The following DNAH1 variants were observed in gnomAD, a reference collection of about 807,000 sequenced individuals.
DNAH1 encodes the protein dynein axonemal heavy chain 1.
In DNAH1, 327 loss-of-function variants were observed where a neutral mutation model predicts 484.3. That is an observed-to-expected ratio of 0.68 (90% CI 0.62 to 0.74). The LOEUF (loss-of-function observed/expected upper bound fraction) is 0.74, where lower values mean the gene tolerates loss of function less well. DNAH1 is among the 30% of genes least tolerant of loss of function. The pLI, the probability that DNAH1 is intolerant of heterozygous loss-of-function variation, is 0.00. For missense variants in DNAH1, 5,052 were observed against 5,546.8 expected (o/e 0.91, Z 2.83); for synonymous variants, 2,192 against 2,191.9 (o/e 1.00, Z 0.00).
Position 52,326,741 on chromosome 3 carries a change from A to G in DNAH1, c.588A>G (p.Lys196=), listed in dbSNP as rs1279823694. The G allele has an allele frequency of 1.2e-6, 2 of 1,609,702 alleles. No individual in the cohort carries two copies. The highest frequency in any genetic ancestry group is 2.7e-5 in the African/African-American group (2 of 74,780). The change falls in exon 5 of 78, where the codon AAA becomes AAG. Residue 196 remains lysine, a synonymous_variant. Coordinates refer to ENST00000420323, the MANE Select transcript of DNAH1 (RefSeq NM_015512.5). ...HPRKIEIERR[K]QQYLSLDIEQ... ...CCTCCCTGCCCTTGACCAGGAGGAA[A>G]CAGCAGTACCTGAGCCTGGACATTG...
Position 52,345,717 on chromosome 3 carries a change from A to G in DNAH1, c.1656+11A>G, listed in dbSNP as rs1702115006. On this transcript the variant is annotated intron_variant, in intron 10 of 77. Transcript: ENST00000420323. ...CAGACCTTCTCCCAGGTTTGTGGGC[A>G]TCAAGGGCACAGGGGGCAAACGCAG... is the stretch of plus-strand genomic sequence containing the variant. 2.5e-6 allele frequency: 4 copies of G among 1,609,228 alleles called. No homozygotes were observed. The highest frequency in any genetic ancestry group is 2.5e-6 in the Non-Finnish European group (3 of 1,177,680).
Position 52,378,595 on chromosome 3 carries a change from C to T in DNAH1, c.7199-7C>T, listed in dbSNP as rs1265555319. ...ATGTGACCCAGGCCATTCTCCTATTCCCCCAGCTGGGGCCCCCCACATTGC... is the reference window on the plus strand; with the variant it reads ...ATGTGACCCAGGCCATTCTCCTATTTCCCCAGCTGGGGCCCCCCACATTGC... On this transcript the variant is annotated splice_polypyrimidine_tract_variant and splice_region_variant and intron_variant, in intron 46 of 77. Coordinates refer to ENST00000420323, the MANE Select transcript of DNAH1 (RefSeq NM_015512.5). The T allele has an allele frequency of 6.2e-7, 1 of 1,613,094 alleles. No individual in the cohort carries two copies. Among genetic ancestry groups the T allele is most frequent in the Non-Finnish European group, 8.5e-7 (1 of 1,179,702 alleles).
chr3:52,360,253 T>A, intron 27 of DNAH1, 58 bp from the exon 28 acceptor site: 2 of 1,537,996 alleles, frequency 1.3e-6, no homozygotes, highest in South Asian at 1.2e-5. Flanking sequence ...CTTGACTATA[T>A]ACCCTGCCCA....
intron 53 of DNAH1, 69 bp from the exon 54 acceptor site, chr3:52,385,268 G>T (rs1212998562): frequency 3.5e-6 from 5 of 1,444,996 alleles, no homozygotes. Flanking sequence ...GAATGAGGGC[G>T]GCCCAGCAGG....
upstream of DNAH1, among the ~76,000 whole-genome samples, chr3:52,311,745 C>T (rs1215796339): frequency 6.6e-6 from 1 of 152,166 alleles, no homozygotes; most frequent in Non-Finnish European, 1.5e-5. Flanking sequence ...GTCATGGCAA[C>T]CTGGTGGGGT....
upstream of DNAH1, among the ~76,000 whole-genome samples, chr3:52,313,042 C>T (rs1001827743): frequency 6.6e-6 from 1 of 152,218 alleles, no homozygotes; most frequent in Non-Finnish European, 1.5e-5. Flanking sequence ...CCACCTCGGC[C>T]TCCCAAAGTG....
rs1224607743 is a variant in DNAH1, at chr3:52,362,347, G to A, written c.4981-41G>A. The A allele has an allele frequency of 6.4e-7, 1 of 1,559,228 alleles. No homozygotes were observed. Among genetic ancestry groups the A allele is most frequent in the Non-Finnish European group, 8.8e-7 (1 of 1,138,398 alleles). Reference sequence around the variant, plus strand: ...CCACTCAGAGGAGGGGACAAGGCTGGGCACCCTAGTCCCAGGCAAGTCAGC... The same window carrying A: ...CCACTCAGAGGAGGGGACAAGGCTGAGCACCCTAGTCCCAGGCAAGTCAGC... On this transcript the variant is annotated intron_variant, in intron 30 of 77. Transcript: ENST00000420323. The surrounding 1 kb of genome is among the most constrained non-coding windows in gnomAD (Gnocchi z 5.1).
At chr3:52,386,128 G>A (rs754891741) in intron 54 of DNAH1, 32 bp from the exon 55 acceptor site, 95 of 1,592,176 alleles carry the variant, frequency 6.0e-5, no homozygotes, top group Admixed American at 1.7e-4. Flanking sequence ...AGAGAAAAGG[G>A]GGGAGGACAT....
chr3:52,368,992 A>G lies in DNAH1; in HGVS notation c.5943+74A>G. 2 of 1,539,950 alleles carry G rather than the reference A, an allele frequency of 1.3e-6. No homozygotes were observed. The highest frequency in any genetic ancestry group is 2.3e-5 in the South Asian group (2 of 85,602). On this transcript the variant is annotated intron_variant, in intron 37 of 77. Transcript: ENST00000420323. This position sits in a 1 kb window ranked among gnomAD's most constrained non-coding sequence, Gnocchi z 4.4. ...CTGGAGGCTGCATCATGCTGGCCAA[A>G]CTCTGCCCCCTCACCCCTTTCTCTC...
At chr3:52,394,375 G>A (rs2153225676) in intron 66 of DNAH1, 90 bp from the exon 67 acceptor site, 2 of 1,251,786 alleles carry the variant, frequency 1.6e-6, no homozygotes, top group South Asian at 1.3e-5. Context: ...CCAGGTGAGG[G>A]TGGTTAGAGA....
At chr3:52,374,591 G>A (rs1703501576) in intron 44 of DNAH1, 1 of 1,501,798 alleles carries the variant, frequency 6.7e-7, no homozygotes, top group Non-Finnish European at 9.3e-7. Context: ...AGGTGGCAGA[G>A]CGAGCTCTCT....
In DNAH1 at chr3:52,347,847, T is replaced by C; in HGVS notation, c.1979T>C (p.Ile660Thr). The C allele has an allele frequency of 1.3e-6, 2 of 1,598,430 alleles. No homozygotes were observed. The highest frequency in any genetic ancestry group is 8.5e-7 in the Non-Finnish European group (1 of 1,171,898). The change falls in exon 12 of 78, where the codon ATC (isoleucine) becomes ACC (threonine). Residue 660 changes from isoleucine (I) to threonine (T), a missense_variant. By Grantham distance (89) the Ile-to-Thr change is moderately conservative (BLOSUM62 -1). Transcript: ENST00000420323. ...AGGCCCCGGAAGAATCCCCTGTTCA[T>C]CATGGACCTGGTGCTGGACAGCTCT... ...PYRPRKNPLF[I>T]MDLVLDSSGV...
intron 39 of DNAH1, 85 bp downstream of exon 39, chr3:52,370,314 T>C (rs1484840224): frequency 3.2e-6 from 5 of 1,564,268 alleles, no homozygotes; most frequent in African/African-American, 2.7e-5. Flanking sequence ...AAAGAGAGAA[T>C]TGGATTGGTG....
In DNAH1 at chr3:52,386,361, T is replaced by C; in HGVS notation, c.8811+16T>C. 1 of 1,546,726 alleles carries C rather than the reference T, an allele frequency of 6.5e-7. No homozygotes were observed. The highest frequency in any genetic ancestry group is 8.7e-7 in the Non-Finnish European group (1 of 1,144,724). Reference sequence around the variant, plus strand: ...TGTGACCGAGGTGGGCAGCAGGGCATCTCCTGGCATTCCCTCTCATATGCC... The same window carrying C: ...TGTGACCGAGGTGGGCAGCAGGGCACCTCCTGGCATTCCCTCTCATATGCC... On this transcript the variant is annotated intron_variant, in intron 55 of 77. Transcript: ENST00000420323.
chr3:52,326,813 C>T lies in DNAH1; in HGVS notation c.660C>T (p.Pro220=). 3 of 1,613,726 alleles carry T rather than the reference C, an allele frequency of 1.9e-6. No homozygotes were observed. The highest frequency in any genetic ancestry group is 2.5e-6 in the Non-Finnish European group (3 of 1,179,782). The change falls in exon 5 of 78, where the codon CCC becomes CCT. Residue 220 remains proline (P), a synonymous_variant. Coordinates refer to ENST00000420323, the MANE Select transcript of DNAH1 (RefSeq NM_015512.5). ...SQGIDSNKLM[P]RHLDHQHPQT... ...GCATCGACTCCAACAAGCTCATGCC[C>T]AGGCACCTGGACCACCAGCACCCCC... is the stretch of plus-strand genomic sequence containing the variant.
chr3:52,353,931 C>A lies in DNAH1; in HGVS notation c.3480+298C>A. 1 of 375,928 alleles carries A rather than the reference C, an allele frequency of 2.7e-6. No individual in the cohort carries two copies. The highest frequency in any genetic ancestry group is 5.0e-6 in the Non-Finnish European group (1 of 200,490). The allele number at this position is 375,928 out of a possible 1,614,324, so 23.3% of individuals were successfully genotyped here. ...GTCAGGCCGGGTGCAGTGACACATG[C>A]CTGTAAATCCCAGCACTTTGGGAGG... On this transcript the variant is annotated intron_variant, in intron 20 of 77. Transcript: ENST00000420323. The surrounding 1 kb of genome is among the most constrained non-coding windows in gnomAD (Gnocchi z 5.0).
chr3:52,367,000 C>A, intron 36 of DNAH1, 113 bp downstream of exon 36: 1 of 1,305,532 alleles, frequency 7.7e-7, no homozygotes, highest in Non-Finnish European at 1.0e-6. Context: ...CTCTGCAGCC[C>A]AACGCTTGGG....
chr3:52,332,389 C>T lies in DNAH1; in HGVS notation c.1281C>T (p.Gly427=), dbSNP rs1354778057. Residue 427 remains glycine (G), a synonymous_variant, in exon 8 of 78, where the codon GGC becomes GGT. Coordinates refer to ENST00000420323, the MANE Select transcript of DNAH1 (RefSeq NM_015512.5). ...TGAGCACGCCTCGGATGCGCAAAGGCCCCTCGTGAGTCCCCGCTCGGCCTT... is the reference window on the plus strand; with the variant it reads ...TGAGCACGCCTCGGATGCGCAAAGGTCCCTCGTGAGTCCCCGCTCGGCCTT... ...WALSTPRMRK[G]PSVLEHLSSL... is the part of the protein sequence containing the mutation. The T allele has an allele frequency of 8.7e-6, 14 of 1,612,512 alleles. No homozygotes were observed. The highest frequency in any genetic ancestry group is 1.2e-5 in the Non-Finnish European group (14 of 1,179,466).
chr3:52,315,340 C>T (rs1700914636), upstream of DNAH1, among the ~76,000 whole-genome samples: 1 of 152,240 alleles, frequency 6.6e-6, no homozygotes, highest in African/African-American at 2.4e-5. Context: ...GCTGGCCAGC[C>T]ACATGAAGGG....
Sources: gnomAD v4.1 joint callset for allele counts (sites outside exome capture counted in the v4.1 genomes callset) on GRCh38, gnomAD v4.1.1 for gene constraint, Gnocchi (gnomAD v3.1) non-coding constraint, MANE v1.5 for transcripts, NCBI Gene and HGNC (gene_info 2026-07-23, HGNC 2026-07-21) for gene names.